WWOX: variants seen among roughly 807,000 people sequenced by gnomAD.
WWOX encodes WW domain-containing oxidoreductase.
A neutral mutation model predicts 46.2 loss-of-function variants in WWOX; 69 were observed. The ratio of observed to expected loss-of-function variants is 1.49; its 90% CI spans 1.23 to 1.82. The LOEUF is 1.82. WWOX is among the 40% of genes most tolerant of loss of function. The pLI is 0.00. For missense variants in WWOX, 919 were observed against 542.6 expected (o/e 1.69, Z -6.89); for synonymous variants, 359 against 202.6 (o/e 1.77, Z -6.56).
At chr16:78,589,102 A>T (rs2045291568) in intron 8 of WWOX, among the ~76,000 whole-genome samples, 1 of 151,962 alleles carries the variant, frequency 6.6e-6, no homozygotes, top group South Asian at 2.1e-4. Flanking sequence ...TTCTCCCTCA[A>T]CCAATTGTAT....
chr16:78,939,883 C>A (rs1381084933), intron 8 of WWOX, among the ~76,000 whole-genome samples: 4 of 152,200 alleles, frequency 2.6e-5, no homozygotes, highest in Non-Finnish European at 5.9e-5. Flanking sequence ...TTGTTTTTGA[C>A]ATTTGTACAT....
At chr16:78,700,310 GAC>G (rs2048185343) in intron 8 of WWOX, among the ~76,000 whole-genome samples, 1 of 93,164 alleles carries the variant, frequency 1.1e-5, no homozygotes, top group African/African-American at 4.3e-5. Context: ...TCACTTAGTA[GAC>G]AGAGAGAGAG....
intron 8 of WWOX, among the ~76,000 whole-genome samples, chr16:78,921,305 C>T (rs2045373266): frequency 6.6e-6 from 1 of 152,152 alleles, no homozygotes; most frequent in African/African-American, 2.4e-5. Context: ...CATTACTTTT[C>T]ACTGACTAAA....
chr16:78,358,935 G>A (rs2081353606), intron 5 of WWOX, among the ~76,000 whole-genome samples: 1 of 137,162 alleles, frequency 7.3e-6, no homozygotes, highest in Non-Finnish European at 1.5e-5. Context: ...CTGTTTGGCA[G>A]TACAGTTGTA....
At chr16:78,969,430 C>T (rs779114367) in intron 8 of WWOX, among the ~76,000 whole-genome samples, 2 of 152,068 alleles carry the variant, frequency 1.3e-5, no homozygotes, top group East Asian at 1.9e-4. Context: ...TGCCACCATG[C>T]CCAGCTAATT....
chr16:78,780,863 T>C (rs2050307836), intron 8 of WWOX, among the ~76,000 whole-genome samples: 1 of 152,144 alleles, frequency 6.6e-6, no homozygotes, highest in Non-Finnish European at 1.5e-5. Context: ...TGAAGGGCAT[T>C]AAGCAGGGCA....
chr16:78,907,493 G>A (rs946314301), intron 8 of WWOX, among the ~76,000 whole-genome samples: 2 of 152,132 alleles, frequency 1.3e-5, no homozygotes, highest in African/African-American at 4.8e-5. Context: ...AGGCAGTTTA[G>A]TTTGGGGGTA....
At chr16:78,880,962 G>A (rs373324171) in intron 8 of WWOX, among the ~76,000 whole-genome samples, 3 of 149,524 alleles carry the variant, frequency 2.0e-5, no homozygotes, top group African/African-American at 7.4e-5. Flanking sequence ...TCTATCTTTC[G>A]GTCCCCTAAA....
At chr16:79,114,291 G>A (rs1417755006) in intron 8 of WWOX, among the ~76,000 whole-genome samples, 2 of 151,940 alleles carry the variant, frequency 1.3e-5, no homozygotes, top group Non-Finnish European at 2.9e-5. Flanking sequence ...TGTGAGATCT[G>A]GCTGGATTAA....
intron 8 of WWOX, among the ~76,000 whole-genome samples, chr16:79,022,666 T>G (rs959795451): frequency 9.9e-5 from 15 of 152,166 alleles, no homozygotes; most frequent in African/African-American, 3.6e-4. Context: ...GGGGGCTGAT[T>G]TATGCCAAAT....
intron 8 of WWOX, among the ~76,000 whole-genome samples, chr16:78,545,061 C>T (rs1010628001): frequency 5.3e-5 from 8 of 152,126 alleles, no homozygotes; most frequent in Admixed American, 5.2e-4. Context: ...CTAGAATAAG[C>T]AAACCAAACG....
intron 8 of WWOX, among the ~76,000 whole-genome samples, chr16:78,989,834 G>A (rs988419649): frequency 6.6e-6 from 1 of 151,046 alleles, no homozygotes; most frequent in Non-Finnish European, 1.5e-5. Flanking sequence ...GTGTGTGTGT[G>A]TGTGTGTGTG....
Position 78,633,604 on chromosome 16 carries a change from A to G in WWOX, c.1056+200852A>G, listed in dbSNP as rs571953651. ...GCAGGCCTCTGGCTTCAGAGATGCC[A>G]CTACAAAGGTCTCCTCCTTTTCATA... On this transcript the variant is annotated intron_variant, in intron 8 of 8. Coordinates refer to ENST00000566780, the MANE Select transcript of WWOX (RefSeq NM_016373.4). Among the ~76,000 whole-genome samples, 50 of 152,234 alleles carry G rather than the reference A, an allele frequency of 3.3e-4. 2 individuals are homozygous for G. In the South Asian group the frequency reaches 1.0e-2, roughly 30 times the overall value.
chr16:78,495,822 G>A (rs1430314213), intron 8 of WWOX: 2 of 152,248 alleles, frequency 1.3e-5, no homozygotes, highest in African/African-American at 4.8e-5. Context: ...AGATGGTCAT[G>A]TTTTACTTTG....
At chr16:78,243,871 G>A (rs1018777887) in intron 5 of WWOX, among the ~76,000 whole-genome samples, 1 of 152,322 alleles carries the variant, frequency 6.6e-6, no homozygotes, top group East Asian at 1.9e-4. Context: ...TTATGTGCAT[G>A]TGTACTCAAT....
intron 8 of WWOX, among the ~76,000 whole-genome samples, chr16:79,181,076 C>G (rs921784873): frequency 2.6e-5 from 4 of 152,036 alleles, no homozygotes; most frequent in South Asian, 2.1e-4. Context: ...AAGAAGAAAA[C>G]GCTCGTAATT....
chr16:78,899,488 A>G (rs1052104497), intron 8 of WWOX: 2 of 152,212 alleles, frequency 1.3e-5, no homozygotes, highest in African/African-American at 4.8e-5. Context: ...ACTGATACAC[A>G]GTGAGTTCTC....
At chr16:78,480,600 A>G (rs747331996) in intron 8 of WWOX, among the ~76,000 whole-genome samples, 4 of 152,234 alleles carry the variant, frequency 2.6e-5, no homozygotes, top group Non-Finnish European at 5.9e-5. Context: ...CGTACTTTTC[A>G]ATGTAAGCAT....
chr16:78,407,426 A>G (rs2082573623), intron 6 of WWOX, among the ~76,000 whole-genome samples: 1 of 152,196 alleles, frequency 6.6e-6, no homozygotes, highest in Non-Finnish European at 1.5e-5. Flanking sequence ...CCCCAAAGCC[A>G]CAATTATCTT....
Sources: gnomAD v4.1 joint callset for allele counts (sites outside exome capture counted in the v4.1 genomes callset) on GRCh38, gnomAD v4.1.1 for gene constraint, MANE v1.5 for transcripts, NCBI Gene and HGNC (gene_info 2026-07-23, HGNC 2026-07-21) for gene names.